Variants in SLC5A12 observed in about 807,000 individuals in gnomAD.
The protein encoded by SLC5A12 is sodium-coupled monocarboxylate transporter 2.
In SLC5A12, 46 loss-of-function variants were observed where a neutral mutation model predicts 72.7. That is an observed-to-expected ratio of 0.63 (90% CI 0.50 to 0.81). The LOEUF (loss-of-function observed/expected upper bound fraction) is 0.81, where lower values mean the gene tolerates loss of function less well. Among genes scored for constraint, SLC5A12 ranks in the 30% least tolerant of loss-of-function variants. SLC5A12 has a pLI of 0.00. For synonymous variants in SLC5A12, 275 were observed against 264.4 expected (o/e 1.04, Z -0.39); for missense variants, 683 against 740.7 (o/e 0.92, Z 0.90).
At chr11:26,704,363 G>A (rs529560677) in intron 4 of SLC5A12, among the ~76,000 whole-genome samples, 6 of 152,282 alleles carry the variant, frequency 3.9e-5, no homozygotes, top group African/African-American at 1.4e-4. Context: ...GAACCAGCAT[G>A]TGTGAAGAAG....
chr11:26,701,089 G>A (rs548607223), intron 6 of SLC5A12, among the ~76,000 whole-genome samples: 1 of 152,274 alleles, frequency 6.6e-6, no homozygotes, highest in South Asian at 2.1e-4. Context: ...GGCTCTGAGT[G>A]GCTTCCAGAT....
chr11:26,677,997 G>T (rs921672015), intron 13 of SLC5A12, among the ~76,000 whole-genome samples: 2 of 152,114 alleles, frequency 1.3e-5, no homozygotes, highest in African/African-American at 4.8e-5. Context: ...GAAACAAAAA[G>T]GACATTAATA....
Position 26,721,635 on chromosome 11 carries a change from A to G in SLC5A12, c.80T>C (p.Phe27Ser). 6.2e-7 allele frequency: 1 copy of G among 1,614,188 alleles called. No individual in the cohort carries two copies. The highest frequency in any genetic ancestry group is 1.1e-5 in the South Asian group (1 of 91,076). Residue 27 changes from phenylalanine to serine, a missense_variant, in exon 1 of 15, where the codon TTC becomes TCC. Physicochemically the swap from Phe to Ser is radical, Grantham distance 155 (BLOSUM62 -2). Coordinates refer to ENST00000396005, the MANE Select transcript of SLC5A12 (RefSeq NM_178498.4). ...CTTTTTTCTCTCCTTAATGGCAAAG[A>G]ACACCCCAATTCCAGAGGAAATGAA... The part of the protein sequence containing the change: ...LFFISSGIGV[F>S]FAIKERKKAT...
chr11:26,708,869 C>T (rs1855152986), intron 4 of SLC5A12, among the ~76,000 whole-genome samples: 1 of 151,998 alleles, frequency 6.6e-6, no homozygotes, highest in African/African-American at 2.4e-5. Flanking sequence ...CTGTGAAATC[C>T]TCAAGTTTAT....
At chr11:26,686,720 C>T (rs904037136) in intron 9 of SLC5A12, among the ~76,000 whole-genome samples, 176 bp from the exon 10 acceptor site, 1 of 152,150 alleles carries the variant, frequency 6.6e-6, no homozygotes, top group African/African-American at 2.4e-5. Context: ...TAGGAAGTCT[C>T]TTTACCAAGG....
intron 12 of SLC5A12, among the ~76,000 whole-genome samples, chr11:26,679,359 A>G (rs1436955225): frequency 6.6e-6 from 1 of 152,186 alleles, no homozygotes; most frequent in East Asian, 1.9e-4. Flanking sequence ...AGTCAGGGCC[A>G]GGAATTAGCA....
chr11:26,705,971 C>T (rs2133201213), intron 4 of SLC5A12, among the ~76,000 whole-genome samples: 1 of 141,598 alleles, frequency 7.1e-6, no homozygotes, highest in African/African-American at 2.7e-5. Flanking sequence ...CACACACACA[C>T]ACACACACTT....
chr11:26,707,820 T>C (rs901192352), intron 4 of SLC5A12, among the ~76,000 whole-genome samples: 1 of 152,050 alleles, frequency 6.6e-6, no homozygotes, highest in African/African-American at 2.4e-5. Context: ...TTAAAGTTAT[T>C]GTTAGATCTT....
intron 14 of SLC5A12, among the ~76,000 whole-genome samples, chr11:26,672,840 T>G (rs945932685): frequency 6.6e-6 from 1 of 152,164 alleles, no homozygotes; most frequent in African/African-American, 2.4e-5. Context: ...TAGGTGCATC[T>G]TGCTGCGTCT....
At chr11:26,678,876 G>A in intron 12 of SLC5A12, 61 bp from the exon 13 acceptor site, 1 of 1,090,026 alleles carries the variant, frequency 9.2e-7, no homozygotes, top group Non-Finnish European at 1.3e-6. Flanking sequence ...GTGATGTAGA[G>A]GACTGCTCAG....
chr11:26,687,196 T>C (rs550279268), intron 9 of SLC5A12, among the ~76,000 whole-genome samples: 1 of 152,342 alleles, frequency 6.6e-6, no homozygotes, highest in African/African-American at 2.4e-5. Flanking sequence ...TGTCATCTTT[T>C]AAAAATAATA....
chr11:26,712,562 GT>G (rs1565202863), intron 2 of SLC5A12, 78 bp downstream of exon 2: 1 of 1,078,972 alleles, frequency 9.3e-7, no homozygotes, highest in Non-Finnish European at 1.3e-6. Flanking sequence ...CTTTAGCTGA[GT>G]TTATTGCCCC....
chr11:26,712,043 G>A (rs1855242032), intron 2 of SLC5A12, among the ~76,000 whole-genome samples: 1 of 152,004 alleles, frequency 6.6e-6, no homozygotes, highest in Non-Finnish European at 1.5e-5. Context: ...TCAGTGTGTG[G>A]GAGTTTTGAT....
At chr11:26,698,376 A>T in intron 7 of SLC5A12, 30 bp downstream of exon 7, 1 of 1,608,766 alleles carries the variant, frequency 6.2e-7, no homozygotes, top group East Asian at 2.2e-5. Flanking sequence ...CATTCCAGAC[A>T]CTCGCCACTG....
chr11:26,717,061 TG>T (rs2133223077), intron 1 of SLC5A12, among the ~76,000 whole-genome samples: 1 of 152,318 alleles, frequency 6.6e-6, no homozygotes, highest in East Asian at 1.9e-4. Flanking sequence ...TTCACTCTGC[TG>T]AAATAGTATT....
At chr11:26,710,025 C>A (rs73438427) in intron 3 of SLC5A12, among the ~76,000 whole-genome samples, 2 of 151,948 alleles carry the variant, frequency 1.3e-5, no homozygotes, top group Non-Finnish European at 2.9e-5. Flanking sequence ...TAGCCCCCTA[C>A]CCACCCACAG....
chr11:26,681,189 G>A lies in SLC5A12; in HGVS notation c.1341C>T (p.Thr447=). 3 of 1,607,188 alleles carry A rather than the reference G, an allele frequency of 1.9e-6. No homozygotes were observed. Among genetic ancestry groups the A allele is most frequent in the Non-Finnish European group, 2.5e-6 (3 of 1,176,982 alleles). Reference sequence around the variant, plus strand: ...CCCCAATGGCCACCCAAAATGACAAGGTGATTCCAGTAAGAAGACCTCCTA... The same window carrying A: ...CCCCAATGGCCACCCAAAATGACAAAGTGATTCCAGTAAGAAGACCTCCTA... The part of the protein sequence containing the change: ...GALGGLLTGI[T]LSFWVAIGAF... Residue 447 remains threonine, a synonymous_variant, in exon 12 of 15, where the codon ACC becomes ACT. Transcript: ENST00000396005.
chr11:26,672,254 T>C (rs554131966), intron 14 of SLC5A12, among the ~76,000 whole-genome samples: 1 of 151,724 alleles, frequency 6.6e-6, no homozygotes, highest in East Asian at 2.0e-4. Flanking sequence ...TGCTGTTTTC[T>C]GGAGATAAGA....
At chr11:26,707,442 G>C (rs1364835563) in intron 4 of SLC5A12, among the ~76,000 whole-genome samples, 1 of 151,794 alleles carries the variant, frequency 6.6e-6, no homozygotes, top group Non-Finnish European at 1.5e-5. Context: ...ACTTCAACTG[G>C]ACATGAATTA....
Sources: allele counts gnomAD v4.1 joint callset (sites outside exome capture counted in the v4.1 genomes callset), GRCh38; gene constraint gnomAD v4.1.1; transcripts MANE v1.5; gene names NCBI Gene and HGNC (gene_info 2026-07-23, HGNC 2026-07-21).